MED25: variants seen among roughly 807,000 people sequenced by gnomAD.
MED25 encodes mediator complex subunit 25, also known as mediator of RNA polymerase II transcription subunit 25.
MED25 carries 62 observed loss-of-function variants against 89.4 expected under a neutral mutation model. That is an observed-to-expected ratio of 0.69 (90% CI 0.57 to 0.86). The LOEUF (loss-of-function observed/expected upper bound fraction) is 0.86. Ranked by LOEUF, MED25 falls within the 40% of genes least tolerant of loss-of-function variation. The pLI, the probability that MED25 is intolerant of heterozygous loss-of-function variation, is 0.00. For synonymous variants in MED25, 449 were observed against 427.9 expected (o/e 1.05, Z -0.61); for missense variants, 905 against 1,005.2 (o/e 0.90, Z 1.35).
intron 3 of MED25, chr19:49,819,639 A>G: frequency 8.6e-6 from 3 of 350,064 alleles, no homozygotes; most frequent in South Asian, 4.5e-5. Flanking sequence ...AGTAGGAAAA[A>G]CCTTCCCATT....
chr19:49,824,301 G>A (rs2074001283), intron 3 of MED25, among the ~76,000 whole-genome samples: 1 of 152,170 alleles, frequency 6.6e-6, no homozygotes, highest in Non-Finnish European at 1.5e-5. Context: ...CACACCTCTG[G>A]ACTGTGAATG....
At position 49,836,492 on chromosome 19, in the gene MED25, GAAGTA is replaced by G; in HGVS notation, c.2146+90_2146+94del. 1 of 1,466,878 alleles carries G rather than the reference GAAGTA, an allele frequency of 6.8e-7. No homozygotes were observed. The highest frequency in any genetic ancestry group is 9.3e-7 in the Non-Finnish European group (1 of 1,070,958). 90.9% of individuals were successfully genotyped at this position (1,466,878 alleles called of 1,614,324 possible). A position where few individuals can be genotyped will look rare whatever the true frequency, so the allele number is the denominator to read the frequency against. On this transcript the variant is annotated intron_variant, in intron 17 of 17. Transcript: ENST00000312865. This position sits in a 1 kb window ranked among gnomAD's most constrained non-coding sequence, Gnocchi z 5.1. ...GAGCACCAAGACCGAGTGCTCCTGG[GAAGTA>G]AAGACATAGGATCCAAGAATGAGGG...
At chr19:49,822,156 G>A (rs572378545) in intron 3 of MED25, among the ~76,000 whole-genome samples, 6 of 150,920 alleles carry the variant, frequency 4.0e-5, no homozygotes, top group African/African-American at 7.4e-5. Context: ...CCAGCTACTC[G>A]GGAGGCTGAG....
chr19:49,836,441 T>C lies in MED25; in HGVS notation c.2146+35T>C, dbSNP rs1318893335. The C allele has an allele frequency of 3.2e-6, 5 of 1,559,522 alleles. No individual in the cohort carries two copies. The highest frequency in any genetic ancestry group is 4.3e-6 in the Non-Finnish European group (5 of 1,150,992). On this transcript the variant is annotated intron_variant, in intron 17 of 17. Coordinates refer to ENST00000312865, the MANE Select transcript of MED25 (RefSeq NM_030973.4). This position sits in a 1 kb window ranked among gnomAD's most constrained non-coding sequence, Gnocchi z 5.1. ...CCCGGGGGAGGGCAGAGGTCTGGACTGAGTGTCCCAGCAGCTCCTGGGCTA... is the reference window on the plus strand; with the variant it reads ...CCCGGGGGAGGGCAGAGGTCTGGACCGAGTGTCCCAGCAGCTCCTGGGCTA...
intron 13 of MED25, chr19:49,833,009 C>T (rs1167560490): frequency 6.2e-6 from 1 of 161,336 alleles, no homozygotes; most frequent in African/African-American, 2.4e-5. Context: ...TTGGATTAGG[C>T]CCCATTTTCC....
Position 49,830,818 on chromosome 19 carries a change from C to G in MED25, c.1032C>G (p.Pro344=). 1 of 1,613,412 alleles carries G rather than the reference C, an allele frequency of 6.2e-7. No homozygotes were observed. Among genetic ancestry groups the G allele is most frequent in the South Asian group, 1.1e-5 (1 of 91,060 alleles). Residue 344 remains proline, a synonymous_variant, in exon 9 of 18, where the codon CCC becomes CCG. Transcript: ENST00000312865. This position sits in a 1 kb window ranked among gnomAD's most constrained non-coding sequence, Gnocchi z 4.6. ...GAPKPPPASQ[P]SLVSTVAPGS... is the part of the protein sequence containing the mutation. ...CCAAGCCACCACCTGCTTCCCAGCC[C>G]AGTCTGGTCTCCACTGTGGCCCCTG...
In MED25 at chr19:49,834,626, C is replaced by T. The variant is rs191123133; in HGVS notation, c.1483-360C>T. On this transcript the variant is annotated intron_variant, in intron 13 of 17. Coordinates refer to ENST00000312865, the MANE Select transcript of MED25 (RefSeq NM_030973.4). This position sits in a 1 kb window ranked among gnomAD's most constrained non-coding sequence, Gnocchi z 4.1. ...ACAGGCCTGTGGGTACCACGCTGTG[C>T]ATCTAGGCCGCTCTCCCGGCCGTGA... 196 of 376,352 alleles carry T rather than the reference C, an allele frequency of 5.2e-4. 3 individuals are homozygous for T. In the Admixed American group the frequency reaches 7.2e-3, roughly 14 times the overall value. 23.3% of individuals were successfully genotyped at this position (376,352 alleles called of 1,614,324 possible). A position where few individuals can be genotyped will look rare whatever the true frequency, so the allele number is the denominator to read the frequency against.
In MED25 at chr19:49,824,124, C is replaced by T. The variant is rs573573570; in HGVS notation, c.306-4325C>T. Among the ~76,000 whole-genome samples, 6 of 152,170 alleles carry T rather than the reference C, an allele frequency of 3.9e-5. No homozygotes were observed. In the South Asian group the frequency reaches 6.2e-4, roughly 16 times the overall value. On this transcript the variant is annotated intron_variant, in intron 3 of 17. Coordinates refer to ENST00000312865, the MANE Select transcript of MED25 (RefSeq NM_030973.4). ...ACAGGGCCTGGTACACAGGAGGCCT[C>T]GGGTAAATTCTGTAGAATGAATGTC...
intron 3 of MED25, among the ~76,000 whole-genome samples, chr19:49,820,464 C>A (rs2073974499): frequency 6.6e-6 from 1 of 152,232 alleles, no homozygotes; most frequent in Non-Finnish European, 1.5e-5. Flanking sequence ...CACTGTGGTG[C>A]CCAGGCAGCT....
At position 49,836,236 on chromosome 19, in the gene MED25, G is replaced by T. The variant is rs895389511; in HGVS notation, c.1976G>T (p.Gly659Val). ...LLLNPPPPQT[G>V]VPPPQASLHH... ...TCTGTGTTCTCCCAGCCGCAGACTG[G>T]GGTGCCCCCACCCCAGGCCTCCCTC... Residue 659 changes from glycine to valine, a missense_variant, in exon 17 of 18, where the codon GGG (glycine) becomes GTG (valine). Gly to Val is a moderately radical substitution (Grantham distance 109). Around this residue, in one of 3 missense-constraint regions of MED25, gnomAD observed 271 missense variants for 258.1 expected, o/e 1.05. Coordinates refer to ENST00000312865, the MANE Select transcript of MED25 (RefSeq NM_030973.4). This position sits in a 1 kb window ranked among gnomAD's most constrained non-coding sequence, Gnocchi z 5.1. 1.2e-6 allele frequency: 2 copies of T among 1,612,284 alleles called. No homozygotes were observed. The highest frequency in any genetic ancestry group is 1.7e-5 in the Admixed American group (1 of 60,006).
chr19:49,838,855 T>A, downstream of MED25: 1 of 426,008 alleles, frequency 2.3e-6, no homozygotes, highest in Non-Finnish European at 4.8e-6. Flanking sequence ...TTAACAGAAG[T>A]GGCGCGGCAG....
In MED25 at chr19:49,830,169, T is replaced by C; in HGVS notation, c.770T>C (p.Leu257Pro). The C allele has an allele frequency of 6.2e-7, 1 of 1,600,582 alleles. No individual in the cohort carries two copies. Among genetic ancestry groups the C allele is most frequent in the Admixed American group, 1.7e-5 (1 of 59,862 alleles). ...CCCGCCGCACCCTCAGGTGCCACTCTCTCAGCAGCCCCCCAGCAGCCTCTG... is the reference window on the plus strand; with the variant it reads ...CCCGCCGCACCCTCAGGTGCCACTCCCTCAGCAGCCCCCCAGCAGCCTCTG... ...LPPAAPSGAT[L>P]SAAPQQPLPP... The change falls in exon 7 of 18, where the codon CTC becomes CCC. Residue 257 changes from leucine to proline, a missense_variant. Transcript: ENST00000312865. The surrounding 1 kb of genome is among the most constrained non-coding windows in gnomAD (Gnocchi z 4.6).
At chr19:49,839,851 A>G (rs2074122555), downstream of MED25, 1 of 152,192 alleles carries the variant, frequency 6.6e-6, no homozygotes, top group Non-Finnish European at 1.5e-5. Context: ...CGGAATCCAG[A>G]CTCATGAGAA....
chr19:49,829,750 G>A lies in MED25; in HGVS notation c.526-36G>A, dbSNP rs117452691. ...GGCCGGCCCCAACACCCTTATGGAG[G>A]GGGCCCGTCATGACTGCTCGGCCCC... On this transcript the variant is annotated intron_variant, in intron 5 of 17. Transcript: ENST00000312865. This position sits in a 1 kb window ranked among gnomAD's most constrained non-coding sequence, Gnocchi z 4.6. 4.2e-3 allele frequency: 6,508 copies of A among 1,559,570 alleles called. 24 individuals are homozygous for A. Among genetic ancestry groups the A allele is most frequent in the Non-Finnish European group, 4.9e-3 (5,609 of 1,151,530 alleles).
In MED25 at chr19:49,836,330, G is replaced by C; in HGVS notation, c.2070G>C (p.Gln690His). 6.2e-7 allele frequency: 1 copy of C among 1,610,412 alleles called. No individual in the cohort carries two copies. The highest frequency in any genetic ancestry group is 8.5e-7 in the Non-Finnish European group (1 of 1,178,840). Residue 690 changes from glutamine (Q) to histidine (H), a missense_variant, in exon 17 of 18, where the codon CAG (glutamine) becomes CAC (histidine). Transcript: ENST00000312865. The surrounding 1 kb of genome is among the most constrained non-coding windows in gnomAD (Gnocchi z 5.1). ...CGCACCAGGGCCTGGGGCAGCCCCAGTTGGGGCCCCCACTCCTGCATCCAC... is the reference window on the plus strand; with the variant it reads ...CGCACCAGGGCCTGGGGCAGCCCCACTTGGGGCCCCCACTCCTGCATCCAC... ...PPPHQGLGQP[Q>H]LGPPLLHPPP...
chr19:49,834,529 C>T lies in MED25; in HGVS notation c.1483-457C>T, dbSNP rs755900189. 2 of 241,410 alleles carry T rather than the reference C, an allele frequency of 8.3e-6. No individual in the cohort carries two copies. The highest frequency in any genetic ancestry group is 1.6e-3 in the Middle Eastern group (1 of 616). The allele number at this position is 241,410 out of a possible 1,614,324, so 15.0% of individuals were successfully genotyped here. On this transcript the variant is annotated intron_variant, in intron 13 of 17. Coordinates refer to ENST00000312865, the MANE Select transcript of MED25 (RefSeq NM_030973.4). This position sits in a 1 kb window ranked among gnomAD's most constrained non-coding sequence, Gnocchi z 4.1. ...GACCCTGTGATGTGGGAGCACTCCC[C>T]GTGGTGTACACTGGCCGGTGCTGAG...
At chr19:49,822,898 C>T (rs369265568) in intron 3 of MED25, among the ~76,000 whole-genome samples, 176 of 152,160 alleles carry the variant, frequency 1.2e-3, no homozygotes, top group African/African-American at 3.4e-3. Flanking sequence ...CCACCCGCCT[C>T]GGCCTCCCAA....
chr19:49,818,589 T>A lies in MED25; in HGVS notation c.153T>A (p.Pro51=). 5 of 1,614,134 alleles carry A rather than the reference T, an allele frequency of 3.1e-6. No individual in the cohort carries two copies. The highest frequency in any genetic ancestry group is 4.2e-6 in the Non-Finnish European group (5 of 1,180,032). ...CTCACAGGTATTTTAATGGTGGTCCTCCTGCTGAGACGGACTTCGGGGGAG... is the reference window on the plus strand; with the variant it reads ...CTCACAGGTATTTTAATGGTGGTCCACCTGCTGAGACGGACTTCGGGGGAG... ...LPAIEYFNGG[P]PAETDFGGDY... The change falls in exon 2 of 18, where the codon CCT becomes CCA. Residue 51 remains proline, a synonymous_variant. Transcript: ENST00000312865.
rs1375748160 is a variant in MED25 at position 49,829,250 on chromosome 19, GAC to G, written c.525+164_525+165del. Among the ~76,000 whole-genome samples the G allele has an allele frequency of 6.6e-6, 1 of 151,880 alleles. No homozygotes were observed. Among genetic ancestry groups the G allele is most frequent in the Admixed American group, 6.6e-5 (1 of 15,248 alleles). ...GGGAGGCACTGGGGGCCTGGACTCA[GAC>G]ACAGAATAGTCACAGACTGGTGACC... On this transcript the variant is annotated intron_variant, in intron 5 of 17. Coordinates refer to ENST00000312865, the MANE Select transcript of MED25 (RefSeq NM_030973.4). This position sits in a 1 kb window ranked among gnomAD's most constrained non-coding sequence, Gnocchi z 4.6.
Sources: gnomAD v4.1 joint callset for allele counts (sites outside exome capture counted in the v4.1 genomes callset) on GRCh38, gnomAD v4.1.1 for gene constraint, gnomAD v4.1.1 regional missense constraint, Gnocchi (gnomAD v3.1) non-coding constraint, MANE v1.5 for transcripts, NCBI Gene and HGNC (gene_info 2026-07-23, HGNC 2026-07-21) for gene names.